TMEM163: variants seen among roughly 807,000 people sequenced by gnomAD.
TMEM163 encodes transmembrane protein 163.
Under a neutral mutation model 29.3 loss-of-function variants are expected in TMEM163, and 17 were observed. The observed-to-expected ratio is 0.58, with a 90% CI of 0.40 to 0.87. The LOEUF (loss-of-function observed/expected upper bound fraction) is 0.87, where lower values mean the gene tolerates loss of function less well. Ranked by LOEUF, TMEM163 falls within the 40% of genes least tolerant of loss-of-function variation. The pLI, the probability that TMEM163 is intolerant of heterozygous loss-of-function variation, is 0.00. For missense variants in TMEM163, 303 were observed against 381.5 expected (o/e 0.79, Z 1.71); for synonymous variants, 157 against 160.6 (o/e 0.98, Z 0.17).
intron 2 of TMEM163, among the ~76,000 whole-genome samples, chr2:134,606,161 T>C (rs1368358076): frequency 6.6e-6 from 1 of 152,096 alleles, no homozygotes; most frequent in East Asian, 1.9e-4. Flanking sequence ...ATTGCAAATT[T>C]CTAAACACAG....
intron 4 of TMEM163, among the ~76,000 whole-genome samples, chr2:134,545,684 C>A (rs1007408984): frequency 2.6e-5 from 4 of 152,184 alleles, no homozygotes; most frequent in Admixed American, 2.0e-4. Flanking sequence ...ATACTGCCAA[C>A]ACCTGGCCTC....
chr2:134,591,059 G>A (rs1681925089), intron 2 of TMEM163, among the ~76,000 whole-genome samples: 1 of 152,212 alleles, frequency 6.6e-6, no homozygotes, highest in African/African-American at 2.4e-5. Flanking sequence ...GGGCCTACAT[G>A]TACATTAGAA....
At chr2:134,661,660 T>C (rs1490015831) in intron 2 of TMEM163, among the ~76,000 whole-genome samples, 4 of 152,206 alleles carry the variant, frequency 2.6e-5, no homozygotes, top group East Asian at 1.9e-4. Context: ...TCACAATACA[T>C]AGTCCATTTA....
intron 2 of TMEM163, among the ~76,000 whole-genome samples, chr2:134,707,833 G>T (rs1684849209): frequency 6.6e-6 from 1 of 151,842 alleles, no homozygotes; most frequent in Admixed American, 6.6e-5. Flanking sequence ...ATGGGCTCCA[G>T]TCCTGAGGAG....
At chr2:134,713,541 T>G (rs1408154377) in intron 1 of TMEM163, 4 of 692,044 alleles carry the variant, frequency 5.8e-6, no homozygotes, top group Non-Finnish European at 1.0e-5. Context: ...GCCGTGTATT[T>G]CTGCAGGGTA....
intron 2 of TMEM163, among the ~76,000 whole-genome samples, chr2:134,613,893 G>A (rs1260382378): frequency 6.6e-6 from 1 of 152,120 alleles, no homozygotes; most frequent in Admixed American, 6.6e-5. Context: ...CAGTAAAGGT[G>A]TCAATTTTTC....
intron 4 of TMEM163, among the ~76,000 whole-genome samples, chr2:134,516,347 G>A (rs1680055960): frequency 6.6e-6 from 1 of 151,906 alleles, no homozygotes; most frequent in African/African-American, 2.4e-5. Context: ...GATCACTCGT[G>A]GTCAGGAGTT....
intron 2 of TMEM163, among the ~76,000 whole-genome samples, chr2:134,675,637 A>T (rs1684098973): frequency 6.6e-6 from 1 of 152,220 alleles, no homozygotes; most frequent in Non-Finnish European, 1.5e-5. Context: ...AGATTGAATA[A>T]ATTAAAGAAG....
chr2:134,469,662 G>C (rs1284059410), intron 5 of TMEM163: 2 of 141,616 alleles, frequency 1.4e-5, no homozygotes, highest in Non-Finnish European at 3.2e-5. Flanking sequence ...GGCTCGCCCA[G>C]GGGAGAGAGG....
At chr2:134,517,531 A>G (rs1680101157) in intron 4 of TMEM163, among the ~76,000 whole-genome samples, 2 of 152,232 alleles carry the variant, frequency 1.3e-5, no homozygotes, top group African/African-American at 4.8e-5. Flanking sequence ...CACATACACA[A>G]AATTTTCACA....
intron 2 of TMEM163, among the ~76,000 whole-genome samples, chr2:134,577,020 G>A (rs1247004478): frequency 1.3e-5 from 2 of 152,124 alleles, no homozygotes; most frequent in East Asian, 3.9e-4. Context: ...GAAGCTCCAG[G>A]AGCTGCAGCT....
chr2:134,630,890 C>T (rs1240993037), intron 2 of TMEM163, among the ~76,000 whole-genome samples: 1 of 152,058 alleles, frequency 6.6e-6, no homozygotes, highest in Non-Finnish European at 1.5e-5. Flanking sequence ...TAATCTGTGG[C>T]TCAGCAGATT....
intron 4 of TMEM163, among the ~76,000 whole-genome samples, chr2:134,533,447 T>G (rs919634228): frequency 6.6e-6 from 1 of 152,236 alleles, no homozygotes; most frequent in Non-Finnish European, 1.5e-5. Context: ...CACCAAACTG[T>G]TCACTGTGAT....
intron 4 of TMEM163, among the ~76,000 whole-genome samples, chr2:134,513,561 G>A (rs893317098): frequency 7.2e-5 from 11 of 152,292 alleles, no homozygotes; most frequent in South Asian, 2.1e-4. Context: ...ACGTTCTTGC[G>A]AAAAACCATG....
intron 1 of TMEM163, among the ~76,000 whole-genome samples, chr2:134,715,700 C>T (rs773985879): frequency 1.1e-4 from 17 of 152,204 alleles, no homozygotes; most frequent in Non-Finnish European, 2.1e-4. Flanking sequence ...TGCAGGCACA[C>T]TCACAAGTTA....
intron 2 of TMEM163, among the ~76,000 whole-genome samples, chr2:134,620,320 G>A (rs533019974): frequency 4.8e-4 from 73 of 151,338 alleles, no homozygotes; most frequent in Admixed American, 3.3e-3. Context: ...GCAATGGCGC[G>A]ATCTCGGCTC....
chr2:134,609,294 G>A (rs1480336414), intron 2 of TMEM163, among the ~76,000 whole-genome samples: 40 of 21,496 alleles, frequency 1.9e-3, no homozygotes, highest in Admixed American at 5.9e-3. Flanking sequence ...GACAGACCCC[G>A]AGAACTGTAC....
At chr2:134,714,680 A>T (rs1188884113) in intron 1 of TMEM163, among the ~76,000 whole-genome samples, 1 of 152,236 alleles carries the variant, frequency 6.6e-6, no homozygotes, top group Non-Finnish European at 1.5e-5. Context: ...AGGCTTACAC[A>T]GAATCAAAAG....
intron 2 of TMEM163, among the ~76,000 whole-genome samples, chr2:134,566,550 G>A (rs139346368): frequency 1.3e-3 from 192 of 152,168 alleles, no homozygotes; most frequent in African/African-American, 4.1e-3. Context: ...GTGGCAGGGT[G>A]AGACTCCATC....
Sources: allele counts gnomAD v4.1 joint callset (sites outside exome capture counted in the v4.1 genomes callset), GRCh38; gene constraint gnomAD v4.1.1; transcripts MANE v1.5; gene names NCBI Gene and HGNC (gene_info 2026-07-23, HGNC 2026-07-21).